Variants in CDH16 observed in about 807,000 individuals in gnomAD.
The protein encoded by CDH16 is cadherin 16, also known as cadherin-16.
CDH16 carries 79 observed loss-of-function variants against 87.6 expected under a neutral mutation model. The observed-to-expected ratio is 0.90, with a 90% confidence interval of 0.75 to 1.09. CDH16 has a LOEUF of 1.09. Ranked by LOEUF, CDH16 falls within the 50% of genes least tolerant of loss-of-function variation. CDH16 has a pLI of 0.00. For synonymous variants in CDH16, 457 were observed against 439.5 expected, an observed-to-expected ratio of 1.04 and a Z score of -0.50; for missense variants, 1,124 against 1,071.7, an observed-to-expected ratio of 1.05 and a Z score of -0.68.
chr16:66,917,016 A>G (rs1365278493), intron 3 of CDH16, among the ~76,000 whole-genome samples: 1 of 152,020 alleles, frequency 6.6e-6, no homozygotes, highest in Non-Finnish European at 1.5e-5. Context: ...CCAGCTCGCA[A>G]ATCCCAAAGT....
intron 9 of CDH16, 105 bp downstream of exon 9, chr16:66,913,026 T>C: frequency 7.6e-7 from 1 of 1,307,704 alleles, no homozygotes; most frequent in Non-Finnish European, 1.1e-6. Context: ...GTGTGTGTTA[T>C]GGAGGGACAT....
rs569492106 is a variant in CDH16 at position 66,912,485 on chromosome 16, C to T, written c.1359+19G>A. The T allele has an allele frequency of 4.3e-6, 7 of 1,614,196 alleles. No homozygotes were observed. In the African/African-American group the frequency reaches 5.3e-5, roughly 12 times the overall value. ...CCACCAGCATCCTTCCCAAGGCCTT[C>T]TCCCCTGCGTCTGCTTACCTGGGAA... On this transcript the variant is annotated intron_variant, in intron 11 of 17. Transcript: ENST00000299752.
At chr16:66,917,937 G>A in intron 2 of CDH16, 84 bp downstream of exon 2, 1 of 1,236,140 alleles carries the variant, frequency 8.1e-7, no homozygotes, top group Non-Finnish European at 1.1e-6. Context: ...CACGGTCAGT[G>A]CAATTGGTCC....
rs759285120 is a variant in CDH16, at chr16:66,916,036, A to G, written c.424+29T>C. ...GTTCCATCAAGGCCCACCTGACCTT[A>G]CTGTAAATTGGCTGCCCTGGTCACT... On this transcript the variant is annotated intron_variant, in intron 5 of 17. Transcript: ENST00000299752. This position sits in a 1 kb window ranked among gnomAD's most constrained non-coding sequence, Gnocchi z 4.1. 3.7e-6 allele frequency: 6 copies of G among 1,613,696 alleles called. No homozygotes were observed. Among genetic ancestry groups the G allele is most frequent in the Non-Finnish European group, 5.1e-6 (6 of 1,179,960 alleles).
chr16:66,908,807 T>TAGAACCAGCAAGG (rs1420238128), intron 17 of CDH16, among the ~76,000 whole-genome samples: 2 of 152,050 alleles, frequency 1.3e-5, no homozygotes, highest in Admixed American at 6.5e-5. Flanking sequence ...AGCAGTGTGC[T>TAGAACCAGCAAGG]AGAACCAGCA....
chr16:66,918,005 G>T lies in CDH16; in HGVS notation c.45+16C>A, dbSNP rs1436996124. The T allele has an allele frequency of 2.4e-5, 37 of 1,568,124 alleles. No homozygotes were observed. Among genetic ancestry groups the T allele is most frequent in the Non-Finnish European group, 2.9e-5 (34 of 1,155,792 alleles). On this transcript the variant is annotated intron_variant, in intron 2 of 17. Transcript: ENST00000299752. ...AAAGCCAAGACCTGAAGGAGAGGGG[G>T]CAGGGCCTAGCTCACCTGGGGGACG...
At position 66,912,666 on chromosome 16, in the gene CDH16, C is replaced by A. The variant is rs1156254569; in HGVS notation, c.1280G>T (p.Gly427Val). The change falls in exon 10 of 18, where the codon GGT becomes GTT. Residue 427 changes from glycine (G) to valine (V), a missense_variant and splice_region_variant. By Grantham distance (109) the Gly-to-Val change is moderately radical. Transcript: ENST00000299752. ...VLAMDLAGAE[G>V]GFSSTCEVEV... ...GGGTCACCAATCAGGGCACTTACCACCCTCTGCGCCTGCCAGGTCCATGGC... is the reference window on the plus strand; with the variant it reads ...GGGTCACCAATCAGGGCACTTACCAACCTCTGCGCCTGCCAGGTCCATGGC... 3.1e-6 allele frequency: 5 copies of A among 1,613,894 alleles called. No individual in the cohort carries two copies. Among genetic ancestry groups the A allele is most frequent in the Non-Finnish European group, 4.2e-6 (5 of 1,179,996 alleles).
At position 66,910,463 on chromosome 16, in the gene CDH16, T is replaced by C. The variant is rs756685871; in HGVS notation, c.1964A>G (p.His655Arg). The C allele has an allele frequency of 2.6e-6, 4 of 1,566,068 alleles. No homozygotes were observed. Among genetic ancestry groups the C allele is most frequent in the Non-Finnish European group, 3.5e-6 (4 of 1,152,076 alleles). The change falls in exon 15 of 18, where the codon CAC becomes CGC. Residue 655 changes from histidine (H) to arginine (R), a missense_variant. By Grantham distance (29) the His-to-Arg change is conservative. Transcript: ENST00000299752. ...TGGGGCAGGAGGGGCCTTTAGGAAG[T>C]GGATCACCAGGGGTGCAGAAGCGCT... is the stretch of plus-strand genomic sequence containing the variant. The part of the protein sequence containing the change: ...RLSASAPLVI[H>R]FLKAPPAPAL...
Position 66,908,341 on chromosome 16 carries a change from G to C in CDH16, c.*51C>G. The C allele has an allele frequency of 7.0e-7, 1 of 1,437,338 alleles. No individual in the cohort carries two copies. Among genetic ancestry groups the C allele is most frequent in the Non-Finnish European group, 9.8e-7 (1 of 1,022,840 alleles). The allele number at this position is 1,437,338 out of a possible 1,614,324, so 89.0% of individuals were successfully genotyped here. On this transcript the variant is annotated 3_prime_UTR_variant, in exon 18 of 18. Transcript: ENST00000299752. ...TTGGGTGCTGGGCTCTCTCCCAGGG[G>C]ACTCAGATGGAGCCAGAGGCCAAGC...
chr16:66,918,081 G>T lies in CDH16; in HGVS notation c.-13-3C>A. ...CAGGGACCATGGTCAGGACAGGCCT[G>T]AGGGACACGGCAGTGAGGATCCAGC... On this transcript the variant is annotated splice_polypyrimidine_tract_variant and splice_region_variant and intron_variant, in intron 1 of 17. Transcript: ENST00000299752. 6.4e-7 allele frequency: 1 copy of T among 1,568,562 alleles called. No individual in the cohort carries two copies. Among genetic ancestry groups the T allele is most frequent in the Non-Finnish European group, 8.6e-7 (1 of 1,156,508 alleles).
In CDH16 at chr16:66,913,216, G is replaced by A. The variant is rs370036408; in HGVS notation, c.969C>T (p.His323=). ...GEDYAAPLEL[H]VLVMDENDNV... The stretch of plus-strand genomic sequence containing the variant: ...TGTCATTCTCATCCATCACCAGCAC[G>A]TGCAGCTCCAGAGGGGCCGCATAGT... The change falls in exon 9 of 18, where the codon CAC becomes CAT. Residue 323 remains histidine, a synonymous_variant. Coordinates refer to ENST00000299752, the MANE Select transcript of CDH16 (RefSeq NM_004062.4). The A allele has an allele frequency of 1.0e-4, 160 of 1,596,078 alleles. No homozygotes were observed. The highest frequency in any genetic ancestry group is 1.3e-4 in the Non-Finnish European group (148 of 1,171,594).
rs936035692 is a variant in CDH16, at chr16:66,909,017, G to T, written c.2392+250C>A. On this transcript the variant is annotated intron_variant, in intron 17 of 17. Transcript: ENST00000299752. The surrounding 1 kb of genome is among the most constrained non-coding windows in gnomAD (Gnocchi z 4.1). ...GGGAGATACCAGGATCTACCTCACA[G>T]GGTTGCTGGGAGGATTCCTGGCAAT... Among the ~76,000 whole-genome samples the T allele has an allele frequency of 6.6e-6, 1 of 152,212 alleles. No homozygotes were observed. The highest frequency in any genetic ancestry group is 1.5e-5 in the Non-Finnish European group (1 of 68,048).
Position 66,912,743 on chromosome 16 carries a change from C to T in CDH16, c.1203G>A (p.Thr401=), listed in dbSNP as rs1230560723. Residue 401 remains threonine (T), a synonymous_variant, in exon 10 of 18, where the codon ACG becomes ACA. Transcript: ENST00000299752. ...FQVDPTSGSV[T]LGVLPLRAGQ... ...CTGCTCGGAGTGGGAGCACCCCCAGCGTCACACTGCCTGAAGTGGGGTCCA... is the reference window on the plus strand; with the variant it reads ...CTGCTCGGAGTGGGAGCACCCCCAGTGTCACACTGCCTGAAGTGGGGTCCA... The T allele has an allele frequency of 5.0e-6, 8 of 1,613,688 alleles. No homozygotes were observed. In the Admixed American group the frequency reaches 5.0e-5, roughly 10 times the overall value.
intron 14 of CDH16, 65 bp downstream of exon 14, chr16:66,911,117 C>A (rs546043543): frequency 1.3e-6 from 2 of 1,526,460 alleles, no homozygotes; most frequent in African/African-American, 1.4e-5. Flanking sequence ...GAAGCTCAGT[C>A]CTGCTGTCTG....
intron 17 of CDH16, 71 bp from the exon 18 acceptor site, chr16:66,908,560 C>G: frequency 8.7e-7 from 1 of 1,154,548 alleles, no homozygotes; most frequent in Non-Finnish European, 1.3e-6. Flanking sequence ...GAGGGACTTC[C>G]TGTGATTGGC....
At chr16:66,908,863 G>A (rs980458129) in intron 17 of CDH16, among the ~76,000 whole-genome samples, 1 of 152,180 alleles carries the variant, frequency 6.6e-6, no homozygotes, top group African/African-American at 2.4e-5. Flanking sequence ...AGAAATAAAG[G>A]GGATAGAAGG....
At chr16:66,915,168 T>G in intron 6 of CDH16, 52 bp downstream of exon 6, 1 of 1,515,742 alleles carries the variant, frequency 6.6e-7, no homozygotes, top group Non-Finnish European at 8.9e-7. Context: ...AGATACCACC[T>G]TCTCCAGCTT....
In CDH16 at chr16:66,912,668, C is replaced by T. The variant is rs770149234; in HGVS notation, c.1278G>A (p.Glu426=). The change falls in exon 10 of 18, where the codon GAG becomes GAA. Residue 426 remains glutamate, a synonymous_variant. Transcript: ENST00000299752. ...GTCACCAATCAGGGCACTTACCACC[C>T]TCTGCGCCTGCCAGGTCCATGGCCA... ...LVLAMDLAGA[E]GGFSSTCEVE... is the part of the protein sequence containing the mutation. 2.5e-6 allele frequency: 4 copies of T among 1,614,058 alleles called. No individual in the cohort carries two copies. Among genetic ancestry groups the T allele is most frequent in the Non-Finnish European group, 3.4e-6 (4 of 1,180,004 alleles).
At chr16:66,915,969 C>T in intron 5 of CDH16, 96 bp downstream of exon 5, 1 of 1,386,118 alleles carries the variant, frequency 7.2e-7, no homozygotes. Flanking sequence ...AATGGCTGCC[C>T]TGTCCTATGC....
Sources: allele counts gnomAD v4.1 joint callset (sites outside exome capture counted in the v4.1 genomes callset), GRCh38; gene constraint gnomAD v4.1.1; non-coding constraint Gnocchi (gnomAD v3.1); transcripts MANE v1.5; gene names NCBI Gene and HGNC (gene_info 2026-07-23, HGNC 2026-07-21).